Variants in KDM3B observed in about 807,000 individuals in gnomAD.
KDM3B encodes lysine demethylase 3B, also known as lysine-specific demethylase 3B.
Under a neutral mutation model 170.0 loss-of-function variants are expected in KDM3B, and 10 were observed. That is an observed-to-expected ratio of 0.06 (90% CI 0.04 to 0.10). The LOEUF (loss-of-function observed/expected upper bound fraction) is 0.10. Ranked by LOEUF, KDM3B falls within the 10% of genes least tolerant of loss-of-function variation. The probability of loss-of-function intolerance (pLI) is 1.00; values close to 1 mark genes in which losing one functional copy is unlikely to be tolerated. For synonymous variants in KDM3B, 831 were observed against 834.8 expected (o/e 1.00, Z 0.08); for missense variants, 1,394 against 2,195.2 (o/e 0.64, Z 7.29).
At position 138,418,938 on chromosome 5, in the gene KDM3B, C is replaced by A. The variant is rs1235843562; in HGVS notation, c.3436-15C>A. On this transcript the variant is annotated splice_polypyrimidine_tract_variant and intron_variant, in intron 13 of 23. Coordinates refer to ENST00000314358, the MANE Select transcript of KDM3B (RefSeq NM_016604.4). ...AAGCACAGCACTCTAATTATGTTGG[C>A]CTTCTGCATTTTAGCTTCCTAGCAT... 6.2e-7 allele frequency: 1 copy of A among 1,610,276 alleles called. No homozygotes were observed. The highest frequency in any genetic ancestry group is 8.5e-7 in the Non-Finnish European group (1 of 1,177,010).
intron 11 of KDM3B, among the ~76,000 whole-genome samples, chr5:138,400,233 TTTTTG>T (rs1762648232): frequency 6.6e-6 from 1 of 152,006 alleles, no homozygotes; most frequent in African/African-American, 2.4e-5. Flanking sequence ...CTTGGTTTTT[TTTTTG>T]TTTTTGTTTT....
At chr5:138,365,023 CAG>C (rs1444405714) in intron 1 of KDM3B, among the ~76,000 whole-genome samples, 1 of 152,138 alleles carries the variant, frequency 6.6e-6, no homozygotes, top group African/African-American at 2.4e-5. Context: ...TATTTGAAAA[CAG>C]AGATATTCAA....
rs1177831731 is a variant in KDM3B, at chr5:138,386,224, A to G, written c.983A>G (p.Asn328Ser). The G allele has an allele frequency of 1.9e-6, 3 of 1,614,028 alleles. No homozygotes were observed. The highest frequency in any genetic ancestry group is 2.5e-6 in the Non-Finnish European group (3 of 1,180,030). ...AGCCGAGGGCCCTGGAAAGGAGGGA[A>G]TGCCAGTGGAGAGCCAGGGCTGGAT... ...EASRGPWKGGNASGEPGLDQR... is the reference protein window; with the variant it reads ...EASRGPWKGGSASGEPGLDQR... The change falls in exon 7 of 24, where the codon AAT (asparagine) becomes AGT (serine). Residue 328 changes from asparagine (N) to serine (S), a missense_variant. This residue lies in a region of KDM3B where 205 missense variants were observed against 227.6 expected (regional missense o/e 0.90). Transcript: ENST00000314358.
intron 3 of KDM3B, among the ~76,000 whole-genome samples, chr5:138,377,104 A>G (rs1310923100): frequency 6.6e-6 from 1 of 152,110 alleles, no homozygotes; most frequent in East Asian, 1.9e-4. Context: ...TTCTTTGTTG[A>G]TATGTCTTCC....
intron 7 of KDM3B, 100 bp from the exon 8 acceptor site, chr5:138,390,913 C>T (rs181088588): frequency 8.8e-7 from 1 of 1,135,522 alleles, no homozygotes; most frequent in East Asian, 2.5e-5. Context: ...GTTGATGGAC[C>T]CCCAAGAAAT....
At chr5:138,418,925 C>G in intron 13 of KDM3B, 28 bp from the exon 14 acceptor site, 7 of 1,607,996 alleles carry the variant, frequency 4.4e-6, no homozygotes, top group Non-Finnish European at 6.0e-6. Flanking sequence ...GCACAGCACT[C>G]TAATTATGTT....
intron 9 of KDM3B, 129 bp downstream of exon 9, chr5:138,393,501 C>T (rs1762483559): frequency 2.7e-6 from 2 of 740,966 alleles, no homozygotes; most frequent in Admixed American, 2.6e-5. Context: ...TTGCTCTCAG[C>T]GTCTGTGAAG....
chr5:138,374,225 C>T (rs1225089558), intron 2 of KDM3B: 1 of 415,234 alleles, frequency 2.4e-6, no homozygotes, highest in Non-Finnish European at 4.8e-6. Flanking sequence ...AACTCCTAAC[C>T]TCAGGTGAGC....
At chr5:138,370,565 A>G (rs764602614) in intron 1 of KDM3B, among the ~76,000 whole-genome samples, 1 of 152,210 alleles carries the variant, frequency 6.6e-6, no homozygotes, top group Non-Finnish European at 1.5e-5. Flanking sequence ...TAAAATACAC[A>G]TAAAATTTTA....
At chr5:138,353,741 CTT>C (rs1344628094) in intron 1 of KDM3B, among the ~76,000 whole-genome samples, 1 of 152,106 alleles carries the variant, frequency 6.6e-6, no homozygotes, top group Non-Finnish European at 1.5e-5. Flanking sequence ...TGTTTTGAAA[CTT>C]TGTGTTTGGG....
At chr5:138,396,442 A>AG (rs1293715141) in intron 9 of KDM3B, among the ~76,000 whole-genome samples, 1 of 152,120 alleles carries the variant, frequency 6.6e-6, no homozygotes, top group Non-Finnish European at 1.5e-5. Flanking sequence ...AGATAAATGG[A>AG]GGGAGGGTAT....
At chr5:138,364,437 T>C (rs1761693341) in intron 1 of KDM3B, among the ~76,000 whole-genome samples, 1 of 152,184 alleles carries the variant, frequency 6.6e-6, no homozygotes, top group East Asian at 1.9e-4. Context: ...TAAAGTTGTT[T>C]CAGATTTTAG....
intron 7 of KDM3B, among the ~76,000 whole-genome samples, chr5:138,390,629 C>T (rs189107793): frequency 6.6e-6 from 1 of 152,244 alleles, no homozygotes; most frequent in Admixed American, 6.5e-5. Context: ...TTACAGGGGT[C>T]ACTGTAAAAG....
At chr5:138,359,242 A>G (rs1317494066) in intron 1 of KDM3B, among the ~76,000 whole-genome samples, 4 of 151,236 alleles carry the variant, frequency 2.6e-5, no homozygotes, top group African/African-American at 7.3e-5. Flanking sequence ...GCTCACTGCA[A>G]CCTCCACCTC....
chr5:138,390,968 G>T, intron 7 of KDM3B, 45 bp from the exon 8 acceptor site: 1 of 1,496,176 alleles, frequency 6.7e-7, no homozygotes, highest in Non-Finnish European at 9.0e-7. Context: ...TCATTAGATT[G>T]TCATGAGAAG....
At chr5:138,380,790 C>T (rs1318301509) in intron 5 of KDM3B, among the ~76,000 whole-genome samples, 8 of 151,984 alleles carry the variant, frequency 5.3e-5, no homozygotes, top group Admixed American at 1.3e-4. Flanking sequence ...CCAGGCTGGT[C>T]TCGAACTCCT....
chr5:138,357,382 A>G (rs1157303254), intron 1 of KDM3B, among the ~76,000 whole-genome samples: 1 of 142,748 alleles, frequency 7.0e-6, no homozygotes, highest in African/African-American at 2.5e-5. Context: ...TTTTTTTTTG[A>G]GACAGGGTCT....
chr5:138,413,224 A>G (rs937385184), intron 11 of KDM3B, among the ~76,000 whole-genome samples: 3 of 152,002 alleles, frequency 2.0e-5, no homozygotes, highest in Non-Finnish European at 4.4e-5. Context: ...TCTATGAAAA[A>G]CACAAAAAAT....
At chr5:138,415,371 G>T in intron 12 of KDM3B, 132 bp downstream of exon 12, 3 of 532,048 alleles carry the variant, frequency 5.6e-6, no homozygotes, top group South Asian at 6.2e-5. Context: ...CTGAGAATTT[G>T]GATCTTTATT....
Sources: allele counts gnomAD v4.1 joint callset (sites outside exome capture counted in the v4.1 genomes callset), GRCh38; gene constraint gnomAD v4.1.1; regional missense constraint gnomAD v4.1.1; transcripts MANE v1.5; gene names NCBI Gene and HGNC (gene_info 2026-07-23, HGNC 2026-07-21).